USP31: variants seen among roughly 807,000 people sequenced by gnomAD.
USP31 encodes ubiquitin specific peptidase 31, also known as ubiquitin carboxyl-terminal hydrolase 31.
A neutral mutation model predicts 119.4 loss-of-function variants in USP31; 44 were observed. That is an observed-to-expected ratio of 0.37 (90% CI 0.29 to 0.47). The LOEUF (loss-of-function observed/expected upper bound fraction) is 0.47, where lower values mean the gene tolerates loss of function less well. Among genes scored for constraint, USP31 ranks in the 20% least tolerant of loss-of-function variants. The pLI is 0.99. For missense variants in USP31, 1,643 were observed against 1,730.2 expected, an observed-to-expected ratio of 0.95 and a Z score of 0.89; for synonymous variants, 749 against 705.6, an observed-to-expected ratio of 1.06 and a Z score of -0.97.
chr16:23,138,002 G>C (rs908769300), intron 1 of USP31, among the ~76,000 whole-genome samples: 1 of 152,098 alleles, frequency 6.6e-6, no homozygotes, highest in Non-Finnish European at 1.5e-5. Context: ...AATATCGTAA[G>C]CGGACAAGAA....
At chr16:23,140,315 T>C (rs1299452492) in intron 1 of USP31, among the ~76,000 whole-genome samples, 1 of 152,188 alleles carries the variant, frequency 6.6e-6, no homozygotes, top group African/African-American at 2.4e-5. Context: ...TGGCAGTATC[T>C]GGAGACATTT....
At chr16:23,080,216 G>A (rs2141839130) in intron 12 of USP31, 45 bp from the exon 13 acceptor site, 1 of 1,476,314 alleles carries the variant, frequency 6.8e-7, no homozygotes, top group East Asian at 2.3e-5. Flanking sequence ...TTTAATGCAA[G>A]CAGATGGCAG....
At position 23,069,227 on chromosome 16, in the gene USP31, A is replaced by C. The variant is rs749144191; in HGVS notation, c.2878T>G (p.Ser960Ala). 6.2e-7 allele frequency: 1 copy of C among 1,614,046 alleles called. No individual in the cohort carries two copies. The highest frequency in any genetic ancestry group is 8.5e-7 in the Non-Finnish European group (1 of 1,180,038). ...TTGCTCTGTGTATCTACGACACTGG[A>C]GTTCAATCTGCGGGTGTCCGATTCG... ...KDESDTRRLN[S>A]SVVDTQSKHS... Residue 960 changes from serine (S) to alanine (A), a missense_variant, in exon 16 of 16, where the codon TCC (serine) becomes GCC (alanine). Coordinates refer to ENST00000219689, the MANE Select transcript of USP31 (RefSeq NM_020718.4).
At chr16:23,106,058 C>T (rs916827330) in intron 4 of USP31, among the ~76,000 whole-genome samples, 155 bp downstream of exon 4, 1 of 152,124 alleles carries the variant, frequency 6.6e-6, no homozygotes, top group African/African-American at 2.4e-5. Flanking sequence ...CTCAGGAGGG[C>T]ATTTATTCTT....
At position 23,148,961 on chromosome 16, in the gene USP31, G is replaced by C; in HGVS notation, c.310C>G (p.Pro104Ala). 1 of 1,016,874 alleles carries C rather than the reference G, an allele frequency of 9.8e-7. No homozygotes were observed. Among genetic ancestry groups the C allele is most frequent in the Non-Finnish European group, 1.2e-6 (1 of 848,064 alleles). The allele number at this position is 1,016,874 out of a possible 1,614,324, so 63.0% of individuals were successfully genotyped here. ...FPPGPAAAPTPPPCPPPPASP... is the reference protein window; with the variant it reads ...FPPGPAAAPTAPPCPPPPASP... The stretch of plus-strand genomic sequence containing the variant: ...GCGGGCGGCGGCGGGCACGGCGGCG[G>C]CGTGGGCGCGGCGGCCGGCCCGGGC... The change falls in exon 1 of 16, where the codon CCG becomes GCG. Residue 104 changes from proline (P) to alanine (A), a missense_variant. Physicochemically the swap from Pro to Ala is conservative, Grantham distance 27 (BLOSUM62 -1). Coordinates refer to ENST00000219689, the MANE Select transcript of USP31 (RefSeq NM_020718.4).
chr16:23,133,982 T>G (rs1273763839), intron 1 of USP31, among the ~76,000 whole-genome samples: 1 of 151,660 alleles, frequency 6.6e-6, no homozygotes, highest in Non-Finnish European at 1.5e-5. Flanking sequence ...GAGGCTGAGG[T>G]GGAAGGACCA....
intron 1 of USP31, among the ~76,000 whole-genome samples, chr16:23,134,004 G>A (rs558264509): frequency 3.2e-4 from 48 of 152,136 alleles, no homozygotes; most frequent in Admixed American, 3.1e-3. Context: ...TTGAGCCTGG[G>A]AGGTCAAGGC....
intron 1 of USP31, among the ~76,000 whole-genome samples, chr16:23,141,761 G>A (rs1412409623): frequency 6.6e-6 from 1 of 152,158 alleles, no homozygotes; most frequent in Non-Finnish European, 1.5e-5. Context: ...CGTAAAGGAA[G>A]GGACCACATG....
Position 23,068,492 on chromosome 16 carries a change from G to A in USP31, c.3613C>T (p.Arg1205Cys), listed in dbSNP as rs771287343. The A allele has an allele frequency of 2.8e-5, 45 of 1,613,244 alleles. No homozygotes were observed. The highest frequency in any genetic ancestry group is 2.5e-4 in the East Asian group (11 of 44,844). The change falls in exon 16 of 16, where the codon CGC becomes TGC. Residue 1205 changes from arginine (R) to cysteine (C), a missense_variant. By Grantham distance (180) the Arg-to-Cys change is radical (BLOSUM62 -3). Transcript: ENST00000219689. The part of the protein sequence containing the change: ...HVRSSSMASL[R>C]SPSTSIKSGL... ...GACTTGATGCTTGTGCTGGGGGAGC[G>A]CAGGCTGGCCATGGAGGAGCTCCGC...
At chr16:23,086,587 C>T (rs566396355) in intron 9 of USP31, among the ~76,000 whole-genome samples, 22 of 152,126 alleles carry the variant, frequency 1.4e-4, no homozygotes, top group South Asian at 1.2e-3. Context: ...ATGCAAAGCA[C>T]GCATATAAAA....
intron 1 of USP31, among the ~76,000 whole-genome samples, chr16:23,109,462 T>G (rs1406481662): frequency 6.6e-6 from 1 of 152,124 alleles, no homozygotes; most frequent in Non-Finnish European, 1.5e-5. Flanking sequence ...ATTAAATGAC[T>G]GAATGAACAA....
rs1422090850 is a variant in USP31 at position 23,063,733 on chromosome 16, CCTT to C, written c.*4310_*4312del. ...TAAAAATAGAGCTCCATAATTGTTG[CCTT>C]TTTTTTTTAAGACTTAACATTTCAT... On this transcript the variant is annotated 3_prime_UTR_variant, in exon 16 of 16. Coordinates refer to ENST00000219689, the MANE Select transcript of USP31 (RefSeq NM_020718.4). 7 of 144,564 alleles carry C rather than the reference CCTT, an allele frequency of 4.8e-5. No individual in the cohort carries two copies. The highest frequency in any genetic ancestry group is 3.5e-3 in the Middle Eastern group (1 of 282). The allele number at this position is 144,564 out of a possible 1,614,324, so 9.0% of individuals were successfully genotyped here. A position where few individuals can be genotyped will look rare whatever the true frequency, so the allele number is the denominator to read the frequency against.
intron 1 of USP31, among the ~76,000 whole-genome samples, chr16:23,128,748 C>G (rs1183340260): frequency 6.6e-6 from 1 of 152,148 alleles, no homozygotes; most frequent in African/African-American, 2.4e-5. Context: ...CCAAACAGTG[C>G]AGGCTTTCTG....
chr16:23,072,508 TCATA>T (rs1900389212), intron 14 of USP31: 1 of 578,900 alleles, frequency 1.7e-6, no homozygotes, highest in African/African-American at 1.9e-5. Context: ...AGACAAGCAC[TCATA>T]CATTCATTCT....
chr16:23,147,158 G>C (rs528034082), intron 1 of USP31, among the ~76,000 whole-genome samples: 17 of 152,234 alleles, frequency 1.1e-4, no homozygotes, highest in African/African-American at 4.1e-4. Flanking sequence ...GCCCAGGCTG[G>C]AGTGCAATGG....
At chr16:23,070,440 G>A (rs371331939) in intron 15 of USP31, among the ~76,000 whole-genome samples, 55 of 152,250 alleles carry the variant, frequency 3.6e-4, no homozygotes, top group African/African-American at 7.5e-4. Flanking sequence ...GAGGCCAGGC[G>A]TGGTGGCTCA....
chr16:23,145,063 C>A (rs114552260), intron 1 of USP31, among the ~76,000 whole-genome samples: 6,606 of 152,182 alleles, frequency 0.043, 221 homozygotes, highest in African/African-American at 0.087. Flanking sequence ...TATGGTGCAG[C>A]CAGCCACTAA....
intron 1 of USP31, among the ~76,000 whole-genome samples, chr16:23,117,027 A>G (rs1044521804): frequency 1.3e-5 from 2 of 152,244 alleles, no homozygotes; most frequent in Admixed American, 6.5e-5. Context: ...TATACTTACC[A>G]GCTGAGTATC....
At position 23,064,900 on chromosome 16, in the gene USP31, C is replaced by T. The variant is rs1485030947; in HGVS notation, c.*3146G>A. On this transcript the variant is annotated 3_prime_UTR_variant, in exon 16 of 16. Coordinates refer to ENST00000219689, the MANE Select transcript of USP31 (RefSeq NM_020718.4). ...ATAATTACAGTATTTTAGCACACCACAAATACTCCCACATCCGTTCCCACT... is the reference window on the plus strand; with the variant it reads ...ATAATTACAGTATTTTAGCACACCATAAATACTCCCACATCCGTTCCCACT... 6.6e-6 allele frequency: 1 copy of T among 152,220 alleles called. No homozygotes were observed. Among genetic ancestry groups the T allele is most frequent in the Non-Finnish European group, 1.5e-5 (1 of 68,044 alleles). 9.4% of individuals were successfully genotyped at this position (152,220 alleles called of 1,614,324 possible). A position where few individuals can be genotyped will look rare whatever the true frequency, so the allele number is the denominator to read the frequency against.
Sources: gnomAD v4.1 joint callset for allele counts (sites outside exome capture counted in the v4.1 genomes callset) on GRCh38, gnomAD v4.1.1 for gene constraint, MANE v1.5 for transcripts, NCBI Gene and HGNC (gene_info 2026-07-23, HGNC 2026-07-21) for gene names.